The following MTMR3 variants were observed in gnomAD, a reference collection of about 807,000 sequenced individuals.
MTMR3 encodes the protein phosphatidylinositol-3,5-bisphosphate 3-phosphatase MTMR3.
MTMR3 carries 32 observed loss-of-function variants against 132.4 expected under a neutral mutation model. That is an observed-to-expected ratio of 0.24 (90% CI 0.18 to 0.32). The LOEUF (loss-of-function observed/expected upper bound fraction) is 0.32. Ranked by LOEUF, MTMR3 falls within the 10% of genes least tolerant of loss-of-function variation. MTMR3 has a pLI of 1.00. For synonymous variants in MTMR3, 556 were observed against 550.3 expected, an observed-to-expected ratio of 1.01 and a Z score of -0.14; for missense variants, 1,216 against 1,489.6, an observed-to-expected ratio of 0.82 and a Z score of 3.02.
chr22:29,910,713 C>T (rs1324584359), intron 1 of MTMR3, among the ~76,000 whole-genome samples: 3 of 149,480 alleles, frequency 2.0e-5, no homozygotes, highest in African/African-American at 7.4e-5. Context: ...TGCCTCTTTT[C>T]CTTTTTTTTT....
chr22:29,941,965 A>G (rs969918575), intron 1 of MTMR3, among the ~76,000 whole-genome samples: 12 of 152,182 alleles, frequency 7.9e-5, no homozygotes, highest in Admixed American at 5.2e-4. Flanking sequence ...TGTAGGCAAC[A>G]GAGTGAGATG....
rs1289452764 is a variant in MTMR3 at position 30,020,600 on chromosome 22, T to C, written c.2941T>C (p.Ser981Pro). 10 of 1,614,088 alleles carry C rather than the reference T, an allele frequency of 6.2e-6. No individual in the cohort carries two copies. The highest frequency in any genetic ancestry group is 3.3e-4 in the Middle Eastern group (2 of 6,084). Residue 981 changes from serine to proline, a missense_variant, in exon 17 of 20, where the codon TCT becomes CCT. Physicochemically the swap from Ser to Pro is moderately conservative, Grantham distance 74 (BLOSUM62 -1). Transcript: ENST00000401950. The part of the protein sequence containing the change: ...SRQLSAMSCS[S>P]AHLHSRNLHH... The stretch of plus-strand genomic sequence containing the variant: ...TCAGCTGTCTGCTATGAGCTGCAGC[T>C]CTGCCCACTTACACTCAAGGAACTT...
At chr22:30,025,425 C>CA (rs1158515281) in intron 19 of MTMR3, 11 of 591,802 alleles carry the variant, frequency 1.9e-5, no homozygotes, top group Non-Finnish European at 3.3e-5. Flanking sequence ...TCCTTGGCCC[C>CA]AAAGTGAAAA....
chr22:30,023,217 T>A, intron 19 of MTMR3: 1 of 561,446 alleles, frequency 1.8e-6, no homozygotes. Flanking sequence ...GTAGTGAGTT[T>A]ACTAGGGACC....
chr22:29,978,542 G>A lies in MTMR3; in HGVS notation c.93+11G>A. The A allele has an allele frequency of 6.2e-7, 1 of 1,602,074 alleles. No homozygotes were observed. The highest frequency in any genetic ancestry group is 8.5e-7 in the Non-Finnish European group (1 of 1,169,600). ...GATGAGAATCTTCAGGTAATTATAG[G>A]CCACTTTTAAATGTAAAATATTTAT... On this transcript the variant is annotated intron_variant, in intron 4 of 19. Transcript: ENST00000401950.
Position 30,020,841 on chromosome 22 carries a change from T to A in MTMR3, c.3182T>A (p.Leu1061Gln). Residue 1061 changes from leucine to glutamine, a missense_variant, in exon 17 of 20, where the codon CTG becomes CAG. Leu to Gln is a moderately radical substitution (Grantham distance 113). Around this residue, in one of 7 missense-constraint regions of MTMR3, gnomAD observed 852 missense variants for 852.0 expected, o/e 1.00. Coordinates refer to ENST00000401950, the MANE Select transcript of MTMR3 (RefSeq NM_021090.4). ...ELKSRLESQY[L>Q]TSSLHFNGDF... is the part of the protein sequence containing the mutation. ...AAGAGTCGCCTGGAGAGCCAGTACCTGACCAGCTCCCTACACTTTAATGGA... is the reference window on the plus strand; with the variant it reads ...AAGAGTCGCCTGGAGAGCCAGTACCAGACCAGCTCCCTACACTTTAATGGA... 3 of 1,607,080 alleles carry A rather than the reference T, an allele frequency of 1.9e-6. No individual in the cohort carries two copies. The highest frequency in any genetic ancestry group is 1.7e-6 in the Non-Finnish European group (2 of 1,176,280).
intron 19 of MTMR3, chr22:30,023,332 T>C (rs2067815487): frequency 1.0e-6 from 1 of 954,212 alleles, no homozygotes; most frequent in African/African-American, 1.6e-5. Flanking sequence ...GTGGGTGGAT[T>C]GAAAATGGAA....
chr22:29,944,762 A>C (rs2145819013), intron 1 of MTMR3, among the ~76,000 whole-genome samples: 1 of 152,344 alleles, frequency 6.6e-6, no homozygotes, highest in Admixed American at 6.5e-5. Context: ...AGATCTTTAC[A>C]AACTGAGATC....
intron 1 of MTMR3, among the ~76,000 whole-genome samples, chr22:29,948,396 A>G (rs2065990747): frequency 6.6e-6 from 1 of 152,232 alleles, no homozygotes; most frequent in South Asian, 2.1e-4. Context: ...ATTAACATTC[A>G]AAATAAAACA....
At chr22:29,917,141 T>C (rs2065324420) in intron 1 of MTMR3, among the ~76,000 whole-genome samples, 1 of 152,198 alleles carries the variant, frequency 6.6e-6, no homozygotes, top group South Asian at 2.1e-4. Flanking sequence ...AGAGGAAAAG[T>C]GATTGTAAAT....
intron 7 of MTMR3, chr22:29,992,933 G>A (rs1424845956): frequency 1.3e-5 from 2 of 152,244 alleles, no homozygotes; most frequent in Non-Finnish European, 2.9e-5. Flanking sequence ...ATAGGTTGGT[G>A]TCTGTTTTGG....
intron 1 of MTMR3, among the ~76,000 whole-genome samples, chr22:29,894,396 T>A (rs549606001): frequency 6.6e-6 from 1 of 152,288 alleles, no homozygotes; most frequent in East Asian, 1.9e-4. Flanking sequence ...TCTAGTTTTT[T>A]TCTTCTTAAT....
At chr22:29,900,879 A>G (rs1190520901) in intron 1 of MTMR3, among the ~76,000 whole-genome samples, 1 of 151,904 alleles carries the variant, frequency 6.6e-6, no homozygotes, top group Non-Finnish European at 1.5e-5. Flanking sequence ...ACACCTGGCT[A>G]ATTTTTTTGT....
intron 2 of MTMR3, among the ~76,000 whole-genome samples, chr22:29,968,048 G>A (rs757300235): frequency 6.6e-6 from 1 of 150,478 alleles, no homozygotes; most frequent in Admixed American, 6.6e-5. Context: ...ATGCTGTTAC[G>A]AAAATTTGTG....
Position 30,013,553 on chromosome 22 carries a change from C to T in MTMR3, c.1503+12C>T, listed in dbSNP as rs200135525. 1.6e-4 allele frequency: 252 copies of T among 1,611,436 alleles called. No homozygotes were observed. Among genetic ancestry groups the T allele is most frequent in the Non-Finnish European group, 2.0e-4 (240 of 1,178,486 alleles). On this transcript the variant is annotated intron_variant, in intron 14 of 19. Coordinates refer to ENST00000401950, the MANE Select transcript of MTMR3 (RefSeq NM_021090.4). ...ATGAAGCATTCCTTGTAAGTTTCTT[C>T]ATTTTGGGGACTTTCTCAATTTGAA... is the stretch of plus-strand genomic sequence containing the variant.
chr22:29,887,405 G>T (rs367693599), intron 1 of MTMR3, among the ~76,000 whole-genome samples: 42 of 152,308 alleles, frequency 2.8e-4, no homozygotes, highest in African/African-American at 9.6e-4. Flanking sequence ...GCTGGTATTA[G>T]AATCGTATTG....
At position 29,977,681 on chromosome 22, in the gene MTMR3, C is replaced by G. The variant is rs145834560; in HGVS notation, c.4-761C>G. On this transcript the variant is annotated intron_variant, in intron 3 of 19. Transcript: ENST00000401950. ...CACCCAGTTTCATGAATTACTAATTCATAGATAGTCCTGTTTCACTTATGT... is the reference window on the plus strand; with the variant it reads ...CACCCAGTTTCATGAATTACTAATTGATAGATAGTCCTGTTTCACTTATGT... Among the ~76,000 whole-genome samples the G allele has an allele frequency of 3.8e-3, 575 of 152,290 alleles. 1 individual carries two copies. The highest frequency in any genetic ancestry group is 5.5e-3 in the Non-Finnish European group (372 of 68,006).
chr22:29,928,160 ATTTTTTTTTTCTTTTTT>A (rs1257575779), intron 1 of MTMR3, among the ~76,000 whole-genome samples: 3 of 114,804 alleles, frequency 2.6e-5, no homozygotes, highest in Non-Finnish European at 5.3e-5. Context: ...TAATCACTAC[ATTTTTTTTTTCTTTTTT>A]TTTTTTTTTT....
intron 8 of MTMR3, 180 bp from the exon 9 acceptor site, chr22:30,002,699 TG>T (rs2067200601): frequency 1.9e-6 from 1 of 528,268 alleles, no homozygotes; most frequent in African/African-American, 1.9e-5. Flanking sequence ...AACACACTTA[TG>T]GTAACCCATT....
Sources: allele counts gnomAD v4.1 joint callset (sites outside exome capture counted in the v4.1 genomes callset), GRCh38; gene constraint gnomAD v4.1.1; regional missense constraint gnomAD v4.1.1; transcripts MANE v1.5; gene names NCBI Gene and HGNC (gene_info 2026-07-23, HGNC 2026-07-21).